The following ARID3A variants were observed in gnomAD, a reference collection of about 807,000 sequenced individuals.
ARID3A encodes the protein AT-rich interactive domain-containing protein 3A.
Under a neutral mutation model 52.7 loss-of-function variants are expected in ARID3A, and 11 were observed. That is an observed-to-expected ratio of 0.21 (90% CI 0.13 to 0.35). ARID3A has a LOEUF of 0.35. Among genes scored for constraint, ARID3A ranks in the 10% least tolerant of loss-of-function variants. The probability of loss-of-function intolerance (pLI) is 1.00; values close to 1 mark genes in which losing one functional copy is unlikely to be tolerated. For synonymous variants in ARID3A, 404 were observed against 359.4 expected (o/e 1.12, Z -1.40); for missense variants, 721 against 838.5 (o/e 0.86, Z 1.73).
chr19:958,683 G>A (rs886081356), intron 3 of ARID3A, among the ~76,000 whole-genome samples: 1 of 152,028 alleles, frequency 6.6e-6, no homozygotes, highest in South Asian at 2.1e-4. Context: ...CACGAGGTCA[G>A]GAGATCGAGA....
At chr19:932,989 C>T (rs972837150) in intron 3 of ARID3A, among the ~76,000 whole-genome samples, 7 of 152,134 alleles carry the variant, frequency 4.6e-5, no homozygotes, top group Admixed American at 2.6e-4. Flanking sequence ...GGGGGCTCCA[C>T]GGCCCCCATA....
Position 926,050 on chromosome 19 carries a change from T to G in ARID3A, c.-277T>G, listed in dbSNP as rs1599374968. On this transcript the variant is annotated 5_prime_UTR_variant, in exon 1 of 9. Transcript: ENST00000263620. ...GGAGGGGTGTAGACGCGGACGCGGCTGGCGGCTCGGTGAGTCGGCGCGCGG... is the reference window on the plus strand; with the variant it reads ...GGAGGGGTGTAGACGCGGACGCGGCGGGCGGCTCGGTGAGTCGGCGCGCGG... 8.4e-6 allele frequency: 1 copy of G among 119,140 alleles called. No individual in the cohort carries two copies. The highest frequency in any genetic ancestry group is 1.7e-5 in the Non-Finnish European group (1 of 58,220). The allele number at this position is 119,140 out of a possible 1,614,324, so 7.4% of individuals were successfully genotyped here.
intron 2 of ARID3A, among the ~76,000 whole-genome samples, chr19:930,741 C>T (rs1186047710): frequency 6.6e-6 from 1 of 150,866 alleles, no homozygotes; most frequent in Admixed American, 6.6e-5. Flanking sequence ...GATCTCCTGA[C>T]CTCATGATCT....
chr19:932,883 C>T, intron 3 of ARID3A, 141 bp downstream of exon 3: 1 of 1,468,872 alleles, frequency 6.8e-7, no homozygotes, highest in South Asian at 1.3e-5. Context: ...GCTGTGCTTC[C>T]TGTGCTTCCC....
At chr19:939,491 AG>A (rs1416020116) in intron 3 of ARID3A, among the ~76,000 whole-genome samples, 7 of 152,230 alleles carry the variant, frequency 4.6e-5, no homozygotes, top group Non-Finnish European at 7.4e-5. Flanking sequence ...GAACGTTTAC[AG>A]GGAGCCCCGA....
rs183268833 is a variant in ARID3A, at chr19:973,367, G to A, written c.*1302G>A. The A allele has an allele frequency of 1.5e-3, 272 of 183,362 alleles. 2 individuals are homozygous for A. Among genetic ancestry groups the A allele is most frequent in the Middle Eastern group, 4.1e-3 (2 of 492 alleles). The allele number at this position is 183,362 out of a possible 1,614,324, so 11.4% of individuals were successfully genotyped here. ...GACCTCAGGTGATCTGCCCGCCTTG[G>A]CCTCCCAAAGTGCTGGGATTACAGG... On this transcript the variant is annotated 3_prime_UTR_variant, in exon 9 of 9. Transcript: ENST00000263620.
intron 3 of ARID3A, among the ~76,000 whole-genome samples, chr19:946,058 G>A (rs1053264843): frequency 6.6e-6 from 1 of 152,050 alleles, no homozygotes. Context: ...AATGAGGCTC[G>A]CGGAGGCAGG....
chr19:930,978 C>T (rs1033706638), intron 2 of ARID3A, among the ~76,000 whole-genome samples: 3 of 152,104 alleles, frequency 2.0e-5, no homozygotes, highest in South Asian at 2.1e-4. Context: ...TCCAGGAACC[C>T]GCATCTTCCT....
chr19:964,760 AC>A lies in ARID3A; in HGVS notation c.951-72del, dbSNP rs1446345482. On this transcript the variant is annotated intron_variant, in intron 5 of 8. Transcript: ENST00000263620. This position sits in a 1 kb window ranked among gnomAD's most constrained non-coding sequence, Gnocchi z 5.7. ...GGATGGTGGTGCCACAGTGGGGTTT[AC>A]TTTGTACTGAAGGCCAAAGAGAGCC... 3 of 1,552,542 alleles carry A rather than the reference AC, an allele frequency of 1.9e-6. No individual in the cohort carries two copies. In the African/African-American group the frequency reaches 4.1e-5, roughly 21 times the overall value.
intron 2 of ARID3A, 113 bp from the exon 3 acceptor site, chr19:932,305 G>A (rs893590593): frequency 1.5e-5 from 23 of 1,537,358 alleles, no homozygotes; most frequent in African/African-American, 4.3e-5. Flanking sequence ...GGCGGCGGCC[G>A]GCTCTTCCTA....
At chr19:933,782 A>G (rs987352998) in intron 3 of ARID3A, among the ~76,000 whole-genome samples, 2 of 146,206 alleles carry the variant, frequency 1.4e-5, no homozygotes, top group African/African-American at 5.0e-5. Context: ...AAACTCACAA[A>G]TAGTAAAGAG....
rs1377268069 is a variant in ARID3A, at chr19:960,177, C to A, written c.766+13C>A. ...ATGCAGAAGCGAGGTGAGCCCTCTG[C>A]CCCCACCCCGCTGGAGGGAGGTCAC... On this transcript the variant is annotated intron_variant, in intron 4 of 8. Transcript: ENST00000263620. This position sits in a 1 kb window ranked among gnomAD's most constrained non-coding sequence, Gnocchi z 4.3. The A allele has an allele frequency of 1.6e-5, 26 of 1,605,378 alleles. No homozygotes were observed. The highest frequency in any genetic ancestry group is 2.0e-5 in the Non-Finnish European group (24 of 1,174,742).
chr19:927,961 C>T (rs1333325897), intron 1 of ARID3A, among the ~76,000 whole-genome samples: 2 of 152,094 alleles, frequency 1.3e-5, no homozygotes, highest in African/African-American at 4.8e-5. Context: ...GTGTCTAGGG[C>T]AGAGGGGCCA....
chr19:966,681 A>G lies in ARID3A; in HGVS notation c.1308A>G (p.Gln436=). 1 of 1,610,988 alleles carries G rather than the reference A, an allele frequency of 6.2e-7. No individual in the cohort carries two copies. Among genetic ancestry groups the G allele is most frequent in the African/African-American group, 1.3e-5 (1 of 75,008 alleles). The change falls in exon 7 of 9, where the codon CAA becomes CAG. Residue 436 remains glutamine (Q), a synonymous_variant. Transcript: ENST00000263620. ...CAGCTGTGCAAGCAGCAGCCGCCCA[A>G]GCAGCTGTGGCCGCACAGGCAGCTG... ...QAAAVQAAAA[Q]AAVAAQAAAL...
In ARID3A at chr19:964,514, T is replaced by G. The variant is rs1599423858; in HGVS notation, c.950+83T>G. 3 of 1,449,062 alleles carry G rather than the reference T, an allele frequency of 2.1e-6. No individual in the cohort carries two copies. The highest frequency in any genetic ancestry group is 1.4e-5 in the African/African-American group (1 of 69,844). 89.8% of individuals were successfully genotyped at this position (1,449,062 alleles called of 1,614,324 possible). ...AGGGGCCTGCAGAAGAGGGAGGGGG[T>G]GGTGGGCAGCTGCAGAGGAGGGGGC... is the stretch of plus-strand genomic sequence containing the variant. On this transcript the variant is annotated intron_variant, in intron 5 of 8. Coordinates refer to ENST00000263620, the MANE Select transcript of ARID3A (RefSeq NM_005224.3). The surrounding 1 kb of genome is among the most constrained non-coding windows in gnomAD (Gnocchi z 5.7).
intron 3 of ARID3A, among the ~76,000 whole-genome samples, chr19:958,410 A>G (rs1263819600): frequency 7.2e-6 from 1 of 139,420 alleles, no homozygotes; most frequent in African/African-American, 2.7e-5. Flanking sequence ...CCTGGGCGAC[A>G]GAGCGAGACT....
intron 3 of ARID3A, among the ~76,000 whole-genome samples, chr19:945,586 A>G (rs1364129537): frequency 6.6e-6 from 1 of 152,188 alleles, no homozygotes; most frequent in Admixed American, 6.5e-5. Flanking sequence ...GGGGTCTGGC[A>G]GAAGCTCCGG....
chr19:944,443 G>A lies in ARID3A; in HGVS notation c.693+11701G>A, dbSNP rs1025745726. Among the ~76,000 whole-genome samples, 14 of 152,138 alleles carry A rather than the reference G, an allele frequency of 9.2e-5. No individual in the cohort carries two copies. Among genetic ancestry groups the A allele is most frequent in the African/African-American group, 3.4e-4 (14 of 41,424 alleles). On this transcript the variant is annotated intron_variant, in intron 3 of 8. Transcript: ENST00000263620. The surrounding 1 kb of genome is among the most constrained non-coding windows in gnomAD (Gnocchi z 5.9). ...TCCCACACGGCCATGGTTTGTGTCT[G>A]CCACGGCCTCAGCCCCGTTGCTTCG...
intron 3 of ARID3A, among the ~76,000 whole-genome samples, chr19:955,074 C>G (rs542616382): frequency 6.6e-6 from 1 of 152,250 alleles, no homozygotes; most frequent in South Asian, 2.1e-4. Flanking sequence ...TTCAGAGGGG[C>G]AGGGTTTCGG....
Sources: gnomAD v4.1 joint callset for allele counts (sites outside exome capture counted in the v4.1 genomes callset) on GRCh38, gnomAD v4.1.1 for gene constraint, Gnocchi (gnomAD v3.1) non-coding constraint, MANE v1.5 for transcripts, NCBI Gene and HGNC (gene_info 2026-07-23, HGNC 2026-07-21) for gene names.